The following TYW1B variants were observed in gnomAD, a reference collection of about 807,000 sequenced individuals.
TYW1B encodes the protein tRNA-yW synthesizing protein 1 homolog B.
A neutral mutation model predicts 86.9 loss-of-function variants in TYW1B; 73 were observed. The observed-to-expected ratio is 0.84, with a 90% confidence interval of 0.70 to 1.02. The LOEUF is 1.02. TYW1B is among the 50% of genes least tolerant of loss of function. TYW1B has a pLI of 0.00. For missense variants in TYW1B, 637 were observed against 827.4 expected (o/e 0.77, Z 2.82); for synonymous variants, 248 against 292.8 (o/e 0.85, Z 1.56).
intron 12 of TYW1B, among the ~76,000 whole-genome samples, chr7:72,621,267 T>C (rs1554437911): frequency 6.6e-6 from 1 of 152,240 alleles, no homozygotes; most frequent in Non-Finnish European, 1.5e-5. Context: ...TGCAGAGCCA[T>C]GAGCCAAACA....
chr7:72,654,959 G>C (rs1223228150), intron 11 of TYW1B, among the ~76,000 whole-genome samples: 1 of 152,172 alleles, frequency 6.6e-6, no homozygotes, highest in African/African-American at 2.4e-5. Flanking sequence ...AACAATAACA[G>C]AAACGGTGTG....
At chr7:72,649,885 G>T (rs1439512638) in intron 11 of TYW1B, among the ~76,000 whole-genome samples, 1 of 151,844 alleles carries the variant, frequency 6.6e-6, no homozygotes, top group African/African-American at 2.4e-5. Flanking sequence ...ACAGTCCAGG[G>T]ATGTTCAGAA....
chr7:72,814,113 T>C (rs1329792923), intron 3 of TYW1B, among the ~76,000 whole-genome samples: 1 of 152,068 alleles, frequency 6.6e-6, no homozygotes, highest in Non-Finnish European at 1.5e-5. Flanking sequence ...CTTGACCTTT[T>C]GGTTGGATCG....
At chr7:72,659,034 T>C (rs1422803475) in intron 11 of TYW1B, among the ~76,000 whole-genome samples, 2 of 152,168 alleles carry the variant, frequency 1.3e-5, no homozygotes, top group Non-Finnish European at 2.9e-5. Flanking sequence ...AACATAAGAT[T>C]TAAAAAGCAT....
chr7:72,651,018 A>G (rs1386082086), intron 11 of TYW1B, among the ~76,000 whole-genome samples: 5 of 152,256 alleles, frequency 3.3e-5, no homozygotes, highest in Non-Finnish European at 7.3e-5. Context: ...AAGGCTAAGC[A>G]CAGGCAAGAC....
chr7:72,587,334 G>A (rs1211137283), intron 13 of TYW1B, among the ~76,000 whole-genome samples: 1 of 152,184 alleles, frequency 6.6e-6, no homozygotes, highest in Admixed American at 6.5e-5. Context: ...AACTGCAATG[G>A]AGAAAGAGTA....
chr7:72,827,940 C>T (rs1586016038), intron 1 of TYW1B, 132 bp downstream of exon 1: 1 of 1,523,148 alleles, frequency 6.6e-7, no homozygotes, highest in Non-Finnish European at 8.9e-7. Context: ...TCAGCGGCGG[C>T]TAGCCGGTGC....
chr7:72,765,176 G>C (rs1787749445), intron 7 of TYW1B, among the ~76,000 whole-genome samples: 2 of 152,280 alleles, frequency 1.3e-5, no homozygotes, highest in Non-Finnish European at 2.9e-5. Context: ...CTTCCTGGAA[G>C]GCTCACGATC....
intron 6 of TYW1B, among the ~76,000 whole-genome samples, chr7:72,792,068 G>A (rs1418541915): frequency 6.6e-5 from 10 of 152,096 alleles, no homozygotes; most frequent in African/African-American, 1.7e-4. Flanking sequence ...AGTGGCTCAC[G>A]CTTGTAATCC....
intron 7 of TYW1B, among the ~76,000 whole-genome samples, chr7:72,753,873 A>G (rs969953437): frequency 6.6e-6 from 1 of 152,172 alleles, no homozygotes; most frequent in South Asian, 2.1e-4. Context: ...CATACTTAAC[A>G]GACTATGGTA....
intron 6 of TYW1B, among the ~76,000 whole-genome samples, chr7:72,794,818 T>C (rs1418783342): frequency 6.6e-6 from 1 of 151,514 alleles, no homozygotes; most frequent in Non-Finnish European, 1.5e-5. Context: ...TTCCCCACTT[T>C]TCTTTTTTTT....
intron 13 of TYW1B, among the ~76,000 whole-genome samples, chr7:72,613,370 T>C (rs1554436287): frequency 6.6e-6 from 1 of 150,458 alleles, no homozygotes; most frequent in Non-Finnish European, 1.5e-5. Context: ...ATTTACTTTA[T>C]ATAAAAATTA....
chr7:72,616,604 A>G (rs1812078172), intron 13 of TYW1B, 68 bp downstream of exon 13: 1 of 1,612,028 alleles, frequency 6.2e-7, no homozygotes, highest in Non-Finnish European at 8.5e-7. Flanking sequence ...GAGGAAAATA[A>G]AGAGAGAAGA....
intron 13 of TYW1B, among the ~76,000 whole-genome samples, chr7:72,586,847 C>T (rs1452249579): frequency 1.3e-5 from 2 of 151,990 alleles, no homozygotes; most frequent in Non-Finnish European, 2.9e-5. Context: ...TTAGAGGTCA[C>T]CTCCTAGAAG....
intron 8 of TYW1B, among the ~76,000 whole-genome samples, chr7:72,734,269 A>AAAAAAAAAAAAACCC (rs1554255459): frequency 1.9e-5 from 1 of 51,594 alleles, no homozygotes. Flanking sequence ...AAAAAAAAAA[A>AAAAAAAAAAAAACCC]CACAACAAAA....
At chr7:72,704,246 T>C (rs2129570516) in intron 10 of TYW1B, among the ~76,000 whole-genome samples, 1 of 151,552 alleles carries the variant, frequency 6.6e-6, no homozygotes, top group East Asian at 2.0e-4. Context: ...CCAGCCTGGC[T>C]AACATGGTGA....
intron 7 of TYW1B, among the ~76,000 whole-genome samples, chr7:72,776,474 T>A (rs544752869): frequency 7.0e-6 from 1 of 142,304 alleles, no homozygotes; most frequent in Non-Finnish European, 1.5e-5. Flanking sequence ...GGCAGGAGAA[T>A]CACTTGAACC....
intron 11 of TYW1B, among the ~76,000 whole-genome samples, chr7:72,631,259 T>C (rs2129568751): frequency 6.6e-6 from 1 of 152,276 alleles, no homozygotes; most frequent in East Asian, 1.9e-4. Flanking sequence ...ACGCCTGTAA[T>C]CCCAGCACTT....
At chr7:72,598,407 C>T (rs1554433075) in intron 13 of TYW1B, among the ~76,000 whole-genome samples, 1 of 152,076 alleles carries the variant, frequency 6.6e-6, no homozygotes, top group East Asian at 1.9e-4. Flanking sequence ...ATCCCTCTAA[C>T]AGAACCCTGA....
Sources: gnomAD v4.1 joint callset for allele counts (sites outside exome capture counted in the v4.1 genomes callset) on GRCh38, gnomAD v4.1.1 for gene constraint, MANE v1.5 for transcripts, NCBI Gene and HGNC (gene_info 2026-07-23, HGNC 2026-07-21) for gene names.